The following SIPA1 variants were observed in gnomAD, a reference collection of about 807,000 sequenced individuals.
SIPA1 encodes signal-induced proliferation-associated 1.
In SIPA1, 51 loss-of-function variants were observed where a neutral mutation model predicts 88.1. That is an observed-to-expected ratio of 0.58 (90% CI 0.46 to 0.73). SIPA1 has a LOEUF of 0.73. SIPA1 is among the 30% of genes least tolerant of loss of function. SIPA1 has a pLI of 0.00. For synonymous variants in SIPA1, 681 were observed against 664.8 expected (o/e 1.02, Z -0.37); for missense variants, 1,348 against 1,467.6 (o/e 0.92, Z 1.33).
At position 65,647,301 on chromosome 11, in the gene SIPA1, G is replaced by T. The variant is rs564330309; in HGVS notation, c.2032-83G>T. 67 of 1,369,944 alleles carry T rather than the reference G, an allele frequency of 4.9e-5. No individual in the cohort carries two copies. The African/African-American group carries it at 9.5e-4, about 19-fold the overall frequency. 84.9% of individuals were successfully genotyped at this position (1,369,944 alleles called of 1,614,324 possible). Reference sequence around the variant, plus strand: ...CGGGGACTGTGGAAAGTTCCGTGTGGCCTGGGACGCAGTCCAGGGGGCGGG... The same window carrying T: ...CGGGGACTGTGGAAAGTTCCGTGTGTCCTGGGACGCAGTCCAGGGGGCGGG... On this transcript the variant is annotated intron_variant, in intron 8 of 15. Coordinates refer to ENST00000534313, the MANE Select transcript of SIPA1 (RefSeq NM_006747.4).
rs1265790643 is a variant in SIPA1, at chr11:65,649,325, T to C, written c.2370T>C (p.Pro790=). The change falls in exon 10 of 16, where the codon CCT becomes CCC. Residue 790 remains proline, a synonymous_variant. Coordinates refer to ENST00000534313, the MANE Select transcript of SIPA1 (RefSeq NM_006747.4). The part of the protein sequence containing the change: ...QEPSRRGAPD[P]VQDEVQGVTL... ...CTAGCCGGCGGGGGGCCCCAGATCC[T>C]GTGCAGGATGAGGTCCAGGGGGTGA... The C allele has an allele frequency of 1.9e-6, 3 of 1,559,016 alleles. No individual in the cohort carries two copies. Among genetic ancestry groups the C allele is most frequent in the Non-Finnish European group, 2.6e-6 (3 of 1,151,382 alleles).
chr11:65,647,091 C>T (rs1379608961), intron 8 of SIPA1, 26 bp downstream of exon 8: 4 of 1,482,978 alleles, frequency 2.7e-6, no homozygotes, highest in Non-Finnish European at 2.7e-6. Flanking sequence ...AAACTGGGGC[C>T]CCTGCGCGCG....
Position 65,645,075 on chromosome 11 carries a change from G to A in SIPA1, c.1105G>A (p.Asp369Asn), listed in dbSNP as rs749442041. The A allele has an allele frequency of 6.2e-6, 10 of 1,613,964 alleles. No individual in the cohort carries two copies. The highest frequency in any genetic ancestry group is 1.7e-5 in the Admixed American group (1 of 59,990). ...AFMQFLTLLG[D>N]VVRLKGFESY... ...CATGCAGTTTCTCACCTTGCTGGGC[G>A]ATGTGGTGCGGCTCAAAGGCTTTGA... is the stretch of plus-strand genomic sequence containing the variant. Residue 369 changes from aspartate (D) to asparagine (N), a missense_variant, in exon 5 of 16, where the codon GAT (aspartate) becomes AAT (asparagine). Coordinates refer to ENST00000534313, the MANE Select transcript of SIPA1 (RefSeq NM_006747.4).
At chr11:65,644,478 G>A (rs906141808) in intron 4 of SIPA1, among the ~76,000 whole-genome samples, 2 of 152,096 alleles carry the variant, frequency 1.3e-5, no homozygotes, top group African/African-American at 2.4e-5. Flanking sequence ...GGAGGTGACC[G>A]CTGGAGGGGA....
chr11:65,647,317 A>AG, intron 8 of SIPA1, 67 bp from the exon 9 acceptor site: 1 of 1,369,230 alleles, frequency 7.3e-7, no homozygotes, highest in Non-Finnish European at 9.4e-7. Flanking sequence ...GACGCAGTCC[A>AG]GGGGGCGGGC....
At position 65,641,162 on chromosome 11, in the gene SIPA1, C is replaced by A; in HGVS notation, c.241C>A (p.Pro81Thr). The A allele has an allele frequency of 5.6e-6, 9 of 1,607,774 alleles. No homozygotes were observed. Among genetic ancestry groups the A allele is most frequent in the Non-Finnish European group, 6.8e-6 (8 of 1,179,902 alleles). ...CCACAGCCACGAAGAGGCCAGCCGA[C>A]CTGCAGCCACTTCCACCCGGCTCTT... ...RAHSHEEASRPAATSTRLFTD... is the reference protein window; with the variant it reads ...RAHSHEEASRTAATSTRLFTD... The change falls in exon 2 of 16, where the codon CCT (proline) becomes ACT (threonine). Residue 81 changes from proline (P) to threonine (T), a missense_variant. Transcript: ENST00000534313.
chr11:65,649,308 C>T lies in SIPA1; in HGVS notation c.2353C>T (p.Arg785Trp), dbSNP rs1379086622. The change falls in exon 10 of 16, where the codon CGG (arginine) becomes TGG (tryptophan). Residue 785 changes from arginine (R) to tryptophan (W), a missense_variant. Transcript: ENST00000534313. ...YTLSLQEPSR[R>W]GAPDPVQDEV... ...GCTGTCGCTGCAGGAGCCTAGCCGG[C>T]GGGGGGCCCCAGATCCTGTGCAGGA... 8 of 1,555,110 alleles carry T rather than the reference C, an allele frequency of 5.1e-6. No individual in the cohort carries two copies. The Admixed American group carries it at 5.8e-5, about 11-fold the overall frequency.
rs755689686 is a variant in SIPA1 at position 65,642,413 on chromosome 11, C to T, written c.807+36C>T. ...ATCGCGGGATCAGGACGTGGGTTGC[C>T]TCCCCGACACCTTGTATGCATCCTG... On this transcript the variant is annotated intron_variant, in intron 3 of 15. Coordinates refer to ENST00000534313, the MANE Select transcript of SIPA1 (RefSeq NM_006747.4). This position sits in a 1 kb window ranked among gnomAD's most constrained non-coding sequence, Gnocchi z 6.5. 5.6e-6 allele frequency: 9 copies of T among 1,595,018 alleles called. No homozygotes were observed. The Admixed American group carries it at 6.9e-5, about 12-fold the overall frequency.
At chr11:65,645,519 G>A (rs1309617680) in intron 5 of SIPA1, among the ~76,000 whole-genome samples, 2 of 152,062 alleles carry the variant, frequency 1.3e-5, no homozygotes, top group Admixed American at 6.6e-5. Flanking sequence ...TGCCACACAT[G>A]CTTGGGCCTG....
At position 65,649,546 on chromosome 11, in the gene SIPA1, C is replaced by T. The variant is rs1490802621; in HGVS notation, c.2526-15C>T. 5.0e-6 allele frequency: 8 copies of T among 1,613,984 alleles called. No homozygotes were observed. The highest frequency in any genetic ancestry group is 1.3e-5 in the African/African-American group (1 of 74,888). ...AAAGCGGCTTCCCTTTCTGAGCCAC[C>T]CCTGCTCTCCCCAGCTCTCTGTCGG... On this transcript the variant is annotated splice_polypyrimidine_tract_variant and intron_variant, in intron 10 of 15. Coordinates refer to ENST00000534313, the MANE Select transcript of SIPA1 (RefSeq NM_006747.4).
At chr11:65,640,384 A>G (rs1787037) in intron 1 of SIPA1, 152,663 of 153,438 alleles carry the variant, frequency 0.99, 75,949 homozygotes, top group Middle Eastern at 1. Flanking sequence ...GGGAGGGGCA[A>G]GGAGGAAGGT....
Position 65,646,929 on chromosome 11 carries a change from G to T in SIPA1, c.1895G>T (p.Cys632Phe). The T allele has an allele frequency of 6.5e-7, 1 of 1,535,820 alleles. No individual in the cohort carries two copies. Among genetic ancestry groups the T allele is most frequent in the Non-Finnish European group, 8.7e-7 (1 of 1,146,334 alleles). Residue 632 changes from cysteine (C) to phenylalanine (F), a missense_variant, in exon 8 of 16, where the codon TGC (cysteine) becomes TTC (phenylalanine). This residue lies in a region of SIPA1 where 24 missense variants were observed against 51.1 expected (regional missense o/e 0.47). Transcript: ENST00000534313. The surrounding 1 kb of genome is among the most constrained non-coding windows in gnomAD (Gnocchi z 7.5). ...CGCGACGGCCGCGTAGTGTTCAATT[G>T]CGCCTGTCGCGACGTGCTGGCCTGG... ...APRDGRVVFN[C>F]ACRDVLAWTF...
chr11:65,638,573 A>G (rs1387631922), intron 1 of SIPA1, among the ~76,000 whole-genome samples: 1 of 152,042 alleles, frequency 6.6e-6, no homozygotes, highest in Non-Finnish European at 1.5e-5. Context: ...CCTGGGAGGA[A>G]ACATCTGTCG....
intron 1 of SIPA1, among the ~76,000 whole-genome samples, chr11:65,638,937 C>T (rs1162303328): frequency 6.6e-6 from 1 of 152,206 alleles, no homozygotes; most frequent in African/African-American, 2.4e-5. Context: ...TCCCTCATGC[C>T]CTCCTACTCC....
intron 14 of SIPA1, 83 bp from the exon 15 acceptor site, chr11:65,650,318 C>A: frequency 6.4e-7 from 1 of 1,555,526 alleles, no homozygotes; most frequent in South Asian, 1.1e-5. Flanking sequence ...CAGCGGGGCC[C>A]CTCTCATTAG....
At chr11:65,644,454 T>G (rs1856068370) in intron 4 of SIPA1, among the ~76,000 whole-genome samples, 1 of 151,576 alleles carries the variant, frequency 6.6e-6, no homozygotes, top group Non-Finnish European at 1.5e-5. Flanking sequence ...CAGACAAGTT[T>G]AGTTGTAGAA....
intron 5 of SIPA1, 40 bp from the exon 6 acceptor site, chr11:65,645,814 C>T (rs1856099497): frequency 6.7e-7 from 1 of 1,484,904 alleles, no homozygotes; most frequent in African/African-American, 1.4e-5. Flanking sequence ...TTAGATTCCC[C>T]TTGTTTTCTC....
At chr11:65,641,823 C>T (rs181218863) in intron 2 of SIPA1, among the ~76,000 whole-genome samples, 2 of 152,336 alleles carry the variant, frequency 1.3e-5, no homozygotes, top group Non-Finnish European at 2.9e-5. Context: ...GTCCCTCTGC[C>T]TCCGTATTGG....
intron 1 of SIPA1, chr11:65,639,293 G>GCT (rs1367154924): frequency 6.6e-6 from 1 of 152,214 alleles, no homozygotes; most frequent in Non-Finnish European, 1.5e-5. Context: ...GTTTTTAGTA[G>GCT]AGACAGGGTT....
Sources: gnomAD v4.1 joint callset for allele counts (sites outside exome capture counted in the v4.1 genomes callset) on GRCh38, gnomAD v4.1.1 for gene constraint, gnomAD v4.1.1 regional missense constraint, Gnocchi (gnomAD v3.1) non-coding constraint, MANE v1.5 for transcripts, NCBI Gene and HGNC (gene_info 2026-07-23, HGNC 2026-07-21) for gene names.